MMUT: variants seen among roughly 807,000 people sequenced by gnomAD.
MMUT encodes the protein methylmalonyl-CoA mutase, mitochondrial.
Under a neutral mutation model 79.9 loss-of-function variants are expected in MMUT, and 79 were observed. The ratio of observed to expected loss-of-function variants is 0.99; its 90% CI spans 0.82 to 1.19. The LOEUF (loss-of-function observed/expected upper bound fraction) is 1.19, where lower values mean the gene tolerates loss of function less well. MMUT is among the 50% of genes most tolerant of loss of function. MMUT has a pLI of 0.00. For synonymous variants in MMUT, 273 were observed against 295.7 expected (o/e 0.92, Z 0.79); for missense variants, 860 against 917.2 (o/e 0.94, Z 0.81).
Position 49,430,665 on chromosome 6 carries a change from T to C in MMUT, c.*1063A>G, listed in dbSNP as rs1374843504. 6.6e-6 allele frequency: 1 copy of C among 152,160 alleles called. No homozygotes were observed. Among genetic ancestry groups the C allele is most frequent in the African/African-American group, 2.4e-5 (1 of 41,434 alleles). 9.4% of individuals were successfully genotyped at this position (152,160 alleles called of 1,614,324 possible). A position where few individuals can be genotyped will look rare whatever the true frequency, so the allele number is the denominator to read the frequency against. ...AAGACTGCTCTCTGATCTAATACAATAGAAATTTATTAAAAAAGATAATTA... is the reference window on the plus strand; with the variant it reads ...AAGACTGCTCTCTGATCTAATACAACAGAAATTTATTAAAAAAGATAATTA... On this transcript the variant is annotated 3_prime_UTR_variant, in exon 13 of 13. Transcript: ENST00000274813.
chr6:49,458,990 AT>A (rs1767763896), intron 2 of MMUT, 91 bp downstream of exon 2: 1 of 1,273,064 alleles, frequency 7.9e-7, no homozygotes, highest in East Asian at 2.4e-5. Flanking sequence ...TATAGAGTGA[AT>A]ATCATCTTTA....
intron 1 of MMUT, 21 bp from the exon 2 acceptor site, chr6:49,459,526 TAA>T: frequency 6.4e-7 from 1 of 1,563,566 alleles, no homozygotes; most frequent in South Asian, 1.1e-5. Context: ...AAACATAGAG[TAA>T]AAACATTTAG....
intron 1 of MMUT, 53 bp from the exon 2 acceptor site, chr6:49,459,558 G>C (rs1767788085): frequency 7.4e-7 from 1 of 1,345,320 alleles, no homozygotes; most frequent in African/African-American, 1.5e-5. Flanking sequence ...TGGGAAATAG[G>C]AGCTACTCAT....
rs775593146 is a variant in MMUT, at chr6:49,441,930, A to G, written c.1718T>C (p.Phe573Ser). The stretch of plus-strand genomic sequence containing the variant: ...TCGATCATTCGCTTTATGTTCACCA[A>G]ATACCTTTTTCAGGGCATCTGTGAT... ...GEITDALKKVFGEHKANDRMV... is the reference protein window; with the variant it reads ...GEITDALKKVSGEHKANDRMV... Residue 573 changes from phenylalanine to serine, a missense_variant, in exon 10 of 13, where the codon TTT becomes TCT. Transcript: ENST00000274813. 1 of 1,612,042 alleles carries G rather than the reference A, an allele frequency of 6.2e-7. No homozygotes were observed. The highest frequency in any genetic ancestry group is 1.3e-5 in the African/African-American group (1 of 74,950).
intron 4 of MMUT, among the ~76,000 whole-genome samples, 184 bp downstream of exon 4, chr6:49,455,896 C>G (rs929154474): frequency 5.3e-5 from 8 of 152,160 alleles, no homozygotes; most frequent in African/African-American, 1.7e-4. Context: ...CAAAGAAGTA[C>G]AGCCAAATTT....
In MMUT at chr6:49,430,451, T is replaced by C. The variant is rs1379424978; in HGVS notation, c.*1277A>G. On this transcript the variant is annotated 3_prime_UTR_variant, in exon 13 of 13. Transcript: ENST00000274813. ...CAAATACTTACTAAATTAGTGTGCA[T>C]TGCTTTACAAGGAAAAGTCAATAAA... is the stretch of plus-strand genomic sequence containing the variant. 2 of 152,176 alleles carry C rather than the reference T, an allele frequency of 1.3e-5. No individual in the cohort carries two copies. The highest frequency in any genetic ancestry group is 2.9e-5 in the Non-Finnish European group (2 of 68,036). The allele number at this position is 152,176 out of a possible 1,614,324, so 9.4% of individuals were successfully genotyped here.
chr6:49,438,480 G>C (rs1767190405), intron 11 of MMUT, among the ~76,000 whole-genome samples: 1 of 152,134 alleles, frequency 6.6e-6, no homozygotes, highest in African/African-American at 2.4e-5. Flanking sequence ...TCAATAAAGA[G>C]TACAATAAGA....
At position 49,448,839 on chromosome 6, in the gene MMUT, C is replaced by A; in HGVS notation, c.1421G>T (p.Arg474Leu). The change falls in exon 7 of 13, where the codon CGA (arginine) becomes CTA (leucine). Residue 474 changes from arginine to leucine, a missense_variant. By Grantham distance (102) the Arg-to-Leu change is moderately radical. Coordinates refer to ENST00000274813, the MANE Select transcript of MMUT (RefSeq NM_000255.4). ...PKLRIEECAA[R>L]RQARIDSGSE... is the part of the protein sequence containing the mutation. ...ACCAGAATCTATTCTAGCTTGTCTT[C>A]GGGCAGCACATTCTTCAATTCGAAG... 6.2e-7 allele frequency: 1 copy of A among 1,613,140 alleles called. No individual in the cohort carries two copies. The highest frequency in any genetic ancestry group is 8.5e-7 in the Non-Finnish European group (1 of 1,179,322).
intron 9 of MMUT, chr6:49,443,903 TTA>T: frequency 2.8e-6 from 1 of 357,624 alleles, no homozygotes; most frequent in Non-Finnish European, 5.6e-6. Context: ...AAGGAGCATG[TTA>T]AGGGTTACAA....
intron 8 of MMUT, among the ~76,000 whole-genome samples, chr6:49,446,091 T>C (rs1012227173): frequency 1.1e-4 from 17 of 151,854 alleles, no homozygotes; most frequent in African/African-American, 3.9e-4. Flanking sequence ...TTAGATTAGG[T>C]AGTTTGCTAT....
At chr6:49,449,474 G>A (rs184281312) in intron 6 of MMUT, among the ~76,000 whole-genome samples, 3 of 150,918 alleles carry the variant, frequency 2.0e-5, no homozygotes, top group Non-Finnish European at 4.4e-5. Context: ...TGGATTCTAC[G>A]TAAGTGTAAA....
intron 5 of MMUT, among the ~76,000 whole-genome samples, chr6:49,452,626 G>T (rs986292911): frequency 6.6e-6 from 1 of 152,136 alleles, no homozygotes; most frequent in Non-Finnish European, 1.5e-5. Context: ...GAGCCACTGT[G>T]CCAGGTCTAT....
intron 6 of MMUT, 141 bp downstream of exon 6, chr6:49,451,325 G>T: frequency 2.0e-6 from 2 of 988,200 alleles, no homozygotes; most frequent in South Asian, 2.3e-5. Flanking sequence ...TGCAAACATC[G>T]TTTAAATTAT....
intron 8 of MMUT, among the ~76,000 whole-genome samples, chr6:49,445,175 G>A (rs1767380741): frequency 6.6e-6 from 1 of 152,002 alleles, no homozygotes; most frequent in South Asian, 2.1e-4. Flanking sequence ...TATATTTTAA[G>A]TTTCCTTTAG....
In MMUT at chr6:49,456,252, A is replaced by T; in HGVS notation, c.754-15T>A. ...TTTGGCATGTGCTACATAAAAAAAAAAATTGTAACAGTGAATAAGTAAAAA... is the reference window on the plus strand; with the variant it reads ...TTTGGCATGTGCTACATAAAAAAAATAATTGTAACAGTGAATAAGTAAAAA... On this transcript the variant is annotated splice_polypyrimidine_tract_variant and intron_variant, in intron 3 of 12. Transcript: ENST00000274813. The T allele has an allele frequency of 1.3e-6, 2 of 1,554,934 alleles. No homozygotes were observed. Among genetic ancestry groups the T allele is most frequent in the Non-Finnish European group, 1.8e-6 (2 of 1,126,832 alleles).
At chr6:49,436,604 CAA>C (rs35151510) in intron 11 of MMUT, among the ~76,000 whole-genome samples, 126 of 110,902 alleles carry the variant, frequency 1.1e-3, no homozygotes, top group African/African-American at 1.6e-3. Context: ...GACTCTGTTT[CAA>C]AAAAAAAAAA....
At chr6:49,434,147 C>A (rs1054099456) in intron 12 of MMUT, among the ~76,000 whole-genome samples, 3 of 152,030 alleles carry the variant, frequency 2.0e-5, no homozygotes, top group South Asian at 2.1e-4. Flanking sequence ...ATCACAGACT[C>A]TAAAACTGCA....
chr6:49,453,680 C>G lies in MMUT; in HGVS notation c.988G>C (p.Ala330Pro). 2 of 1,613,044 alleles carry G rather than the reference C, an allele frequency of 1.2e-6. No homozygotes were observed. The highest frequency in any genetic ancestry group is 1.7e-6 in the Non-Finnish European group (2 of 1,179,310). ...AKMRAGRRLW[A>P]HLIEKMFQPK... Reference sequence around the variant, plus strand: ...TGAAACATTTTCTCTATTAAGTGAGCCCAGAGTCTTCTACCAGCTCTCATC... The same window carrying G: ...TGAAACATTTTCTCTATTAAGTGAGGCCAGAGTCTTCTACCAGCTCTCATC... Residue 330 changes from alanine (A) to proline (P), a missense_variant, in exon 5 of 13, where the codon GCT (alanine) becomes CCT (proline). Ala to Pro is a conservative substitution (Grantham distance 27). Coordinates refer to ENST00000274813, the MANE Select transcript of MMUT (RefSeq NM_000255.4).
At chr6:49,449,602 C>A (rs1767498931) in intron 6 of MMUT, among the ~76,000 whole-genome samples, 1 of 152,028 alleles carries the variant, frequency 6.6e-6, no homozygotes, top group Admixed American at 6.5e-5. Context: ...AATGAACTAT[C>A]AAATACCAAA....
Sources: allele counts gnomAD v4.1 joint callset (sites outside exome capture counted in the v4.1 genomes callset), GRCh38; gene constraint gnomAD v4.1.1; transcripts MANE v1.5; gene names NCBI Gene and HGNC (gene_info 2026-07-23, HGNC 2026-07-21).